HIPK3: variants seen among roughly 807,000 people sequenced by gnomAD.
HIPK3 encodes homeodomain-interacting protein kinase 3.
A neutral mutation model predicts 124.2 loss-of-function variants in HIPK3; 47 were observed. The observed-to-expected ratio is 0.38, with a 90% CI of 0.30 to 0.48. The LOEUF (loss-of-function observed/expected upper bound fraction) is 0.48, where lower values mean the gene tolerates loss of function less well. HIPK3 is among the 20% of genes least tolerant of loss of function. The pLI is 0.98. For synonymous variants in HIPK3, 482 were observed against 515.2 expected, an observed-to-expected ratio of 0.94 and a Z score of 0.87; for missense variants, 1,286 against 1,454.3, an observed-to-expected ratio of 0.88 and a Z score of 1.88.
intron 1 of HIPK3, among the ~76,000 whole-genome samples, chr11:33,272,393 C>T (rs1306307376): frequency 2.0e-5 from 3 of 150,192 alleles, no homozygotes; most frequent in African/African-American, 4.9e-5. Context: ...AGTAAGACTC[C>T]GTCTCCAAAA....
chr11:33,326,822 C>A (rs1422185925), intron 2 of HIPK3, among the ~76,000 whole-genome samples: 1 of 151,906 alleles, frequency 6.6e-6, no homozygotes, highest in African/African-American at 2.4e-5. Context: ...CAGGTGCGGA[C>A]CATCACCCTG....
intron 1 of HIPK3, among the ~76,000 whole-genome samples, chr11:33,266,159 G>A (rs1850958030): frequency 6.6e-6 from 1 of 151,186 alleles, no homozygotes; most frequent in Non-Finnish European, 1.5e-5. Context: ...AGACTAACAC[G>A]TGGTCCCAGC....
chr11:33,311,391 G>C (rs911962203), intron 2 of HIPK3, among the ~76,000 whole-genome samples: 1 of 152,142 alleles, frequency 6.6e-6, no homozygotes. Flanking sequence ...TTGCAGCCCA[G>C]ACTGGTCTCA....
intron 2 of HIPK3, among the ~76,000 whole-genome samples, chr11:33,315,806 C>A (rs1265513315): frequency 1.3e-5 from 2 of 152,174 alleles, no homozygotes; most frequent in African/African-American, 4.8e-5. Flanking sequence ...TGTCTTCTAT[C>A]CTCCATCTCT....
rs951871612 is a variant in HIPK3 at position 33,356,926 on chromosome 11, G to A, written c.*3358G>A. ...CCTTCTGTACTTTGTCACAAAAAGC[G>A]GGTTTTCCAGGTGACTATTTTGGTG... On this transcript the variant is annotated 3_prime_UTR_variant, in exon 17 of 17. Transcript: ENST00000303296. 6.6e-6 allele frequency: 1 copy of A among 152,050 alleles called. No homozygotes were observed. The highest frequency in any genetic ancestry group is 2.4e-5 in the African/African-American group (1 of 41,406). The allele number at this position is 152,050 out of a possible 1,614,324, so 9.4% of individuals were successfully genotyped here.
At chr11:33,336,228 A>G (rs955650149) in intron 3 of HIPK3, among the ~76,000 whole-genome samples, 5 of 152,184 alleles carry the variant, frequency 3.3e-5, no homozygotes, top group African/African-American at 9.7e-5. Flanking sequence ...CCATACAGAT[A>G]TCTAGGGGAA....
chr11:33,336,528 A>G (rs1853153816), intron 3 of HIPK3, among the ~76,000 whole-genome samples: 1 of 152,154 alleles, frequency 6.6e-6, no homozygotes, highest in Admixed American at 6.5e-5. Context: ...CCATTGTCAG[A>G]CATTTCTTTA....
At chr11:33,275,269 A>G (rs1052271447) in intron 1 of HIPK3, among the ~76,000 whole-genome samples, 1 of 150,888 alleles carries the variant, frequency 6.6e-6, no homozygotes, top group African/African-American at 2.4e-5. Context: ...TGAACTCCTG[A>G]CCTCGTGATC....
chr11:33,271,361 C>T (rs902635267), intron 1 of HIPK3, among the ~76,000 whole-genome samples: 3 of 152,024 alleles, frequency 2.0e-5, no homozygotes, highest in Admixed American at 2.0e-4. Flanking sequence ...ATTGCTTGAG[C>T]CCAAGAGTTT....
rs558621636 is a variant in HIPK3, at chr11:33,327,475, G to A, written c.1098-1035G>A. On this transcript the variant is annotated intron_variant, in intron 2 of 16. Transcript: ENST00000303296. ...ACAACTAGATGCAATGCATGATCCTGAGTTGGATCCTTTTGCCAAAAAGGA... is the reference window on the plus strand; with the variant it reads ...ACAACTAGATGCAATGCATGATCCTAAGTTGGATCCTTTTGCCAAAAAGGA... Among the ~76,000 whole-genome samples, 7 of 152,314 alleles carry A rather than the reference G, an allele frequency of 4.6e-5. No individual in the cohort carries two copies. In the South Asian group the frequency reaches 1.4e-3, roughly 32 times the overall value.
At chr11:33,310,910 C>T (rs79950843) in intron 2 of HIPK3, among the ~76,000 whole-genome samples, 1 of 152,062 alleles carries the variant, frequency 6.6e-6, no homozygotes, top group Admixed American at 6.6e-5. Flanking sequence ...TAGTTCAGCC[C>T]TTTGTGGTTT....
chr11:33,295,382 C>G (rs1394965307), intron 2 of HIPK3, among the ~76,000 whole-genome samples: 1 of 147,228 alleles, frequency 6.8e-6, no homozygotes, highest in Admixed American at 7.0e-5. Context: ...CAGGGTTGTG[C>G]TTTGTTCCCC....
At chr11:33,260,129 C>A (rs1269678162) in intron 1 of HIPK3, among the ~76,000 whole-genome samples, 1 of 152,118 alleles carries the variant, frequency 6.6e-6, no homozygotes, top group East Asian at 1.9e-4. Flanking sequence ...ATATGAGATA[C>A]TTCTTCTTGT....
intron 8 of HIPK3, among the ~76,000 whole-genome samples, chr11:33,346,570 A>G (rs1016947587): frequency 6.6e-6 from 1 of 152,206 alleles, no homozygotes; most frequent in Admixed American, 6.5e-5. Context: ...ATAACTAAGC[A>G]TAGCTAAAAG....
At position 33,336,003 on chromosome 11, in the gene HIPK3, G is replaced by A. The variant is rs146964660; in HGVS notation, c.1222-1072G>A. ...TATAAGTAAACAAAAAAATTCTTCC[G>A]TTCATGGAACTTAGAGTCTCATGGA... On this transcript the variant is annotated intron_variant, in intron 3 of 16. Transcript: ENST00000303296. 1.3e-3 allele frequency among the ~76,000 whole-genome samples: 203 copies of A among 152,192 alleles called. 2 individuals are homozygous for A. Among genetic ancestry groups the A allele is most frequent in the African/African-American group, 4.4e-3 (183 of 41,516 alleles).
At chr11:33,334,023 TAGTG>T (rs1258803872) in intron 3 of HIPK3, among the ~76,000 whole-genome samples, 4 of 152,242 alleles carry the variant, frequency 2.6e-5, no homozygotes, top group African/African-American at 4.8e-5. Context: ...GTTAGCTACT[TAGTG>T]GGTGGGAGGT....
chr11:33,301,432 T>A (rs1183796638), intron 2 of HIPK3, among the ~76,000 whole-genome samples: 1 of 152,096 alleles, frequency 6.6e-6, no homozygotes, highest in East Asian at 1.9e-4. Flanking sequence ...CCATTTTGGG[T>A]CTCCCATGTC....
At chr11:33,305,782 C>T (rs1012098969) in intron 2 of HIPK3, among the ~76,000 whole-genome samples, 17 of 152,082 alleles carry the variant, frequency 1.1e-4, no homozygotes, top group African/African-American at 4.1e-4. Flanking sequence ...CTGTTTGGAC[C>T]TTTATCATTC....
chr11:33,337,204 T>TA lies in HIPK3; in HGVS notation c.1341+16dup, dbSNP rs767071050. On this transcript the variant is annotated intron_variant, in intron 4 of 16. Transcript: ENST00000303296. ...TGGTTGGAGATTAAAGGTAATTCAT[T>TA]AAAAAATAGAATATTTAGAAGACTA... 2.0e-6 allele frequency: 3 copies of TA among 1,491,582 alleles called. No individual in the cohort carries two copies. Among genetic ancestry groups the TA allele is most frequent in the Non-Finnish European group, 2.8e-6 (3 of 1,086,502 alleles). 92.4% of individuals were successfully genotyped at this position (1,491,582 alleles called of 1,614,324 possible).
Sources: gnomAD v4.1 joint callset for allele counts (sites outside exome capture counted in the v4.1 genomes callset) on GRCh38, gnomAD v4.1.1 for gene constraint, MANE v1.5 for transcripts, NCBI Gene and HGNC (gene_info 2026-07-23, HGNC 2026-07-21) for gene names.